The following MAGEC3 variants were observed in gnomAD, a reference collection of about 807,000 sequenced individuals.
MAGEC3 encodes melanoma-associated antigen C3.
MAGEC3 carries 34 observed loss-of-function variants against 35.3 expected under a neutral mutation model. The observed-to-expected ratio is 0.96, with a 90% confidence interval of 0.73 to 1.28. The LOEUF (loss-of-function observed/expected upper bound fraction) is 1.28, where lower values mean the gene tolerates loss of function less well. Among genes scored for constraint, MAGEC3 ranks in the 50% most tolerant of loss-of-function variants. The pLI is 0.00. For missense variants in MAGEC3, 561 were observed against 483.6 expected, an observed-to-expected ratio of 1.16 and a Z score of -1.50; for synonymous variants, 202 against 185.6, an observed-to-expected ratio of 1.09 and a Z score of -0.72.
chrX:141,873,013 C>T (rs1238731692), intron 2 of MAGEC3, among the ~76,000 whole-genome samples: 7 of 111,413 alleles, frequency 6.3e-5, no homozygotes, highest in Admixed American at 1.9e-4. Context: ...GGTTTTGGCA[C>T]CAAATGTAAG....
rs890778537 is a variant in MAGEC3 at position 141,838,574 on chromosome X, G to C, written c.123+136G>C. The C allele has an allele frequency of 2.9e-6, 3 of 1,047,211 alleles. No homozygotes were observed. The African/African-American group carries it at 5.6e-5, about 20-fold the overall frequency. The allele number at this position is 1,047,211 out of a possible 1,213,427, so 86.3% of individuals were successfully genotyped here. A position where few individuals can be genotyped will look rare whatever the true frequency, so the allele number is the denominator to read the frequency against. On this transcript the variant is annotated intron_variant, in intron 1 of 7. Transcript: ENST00000298296. ...GGGTGAGGCTCTAAGATGCTATCTTGCCCAGCCTTGATGTTCATGTCTTTC... is the reference window on the plus strand; with the variant it reads ...GGGTGAGGCTCTAAGATGCTATCTTCCCCAGCCTTGATGTTCATGTCTTTC...
chrX:141,881,849 C>T lies in MAGEC3; in HGVS notation c.909+53C>T, dbSNP rs2017968846. The T allele has an allele frequency of 5.8e-6, 7 of 1,198,569 alleles. 1 individual carries two copies. The East Asian group carries it at 2.1e-4, about 36-fold the overall frequency. On this transcript the variant is annotated intron_variant, in intron 4 of 7. Transcript: ENST00000298296. ...TATCGGGAGCCCAGGGAGCTTGTCA[C>T]TAAAGTTTGAGTGCAGGGACATTAC...
At chrX:141,878,791 C>T (rs1471987601) in intron 2 of MAGEC3, among the ~76,000 whole-genome samples, 2 of 112,039 alleles carry the variant, frequency 1.8e-5, no homozygotes, top group Non-Finnish European at 3.8e-5. Flanking sequence ...TTCACTTCGT[C>T]TTGGGGGGCG....
chrX:141,849,002 A>T (rs1250895258), intron 1 of MAGEC3, among the ~76,000 whole-genome samples: 1 of 111,660 alleles, frequency 9.0e-6, no homozygotes, highest in Non-Finnish European at 1.9e-5. Context: ...CAGAGGCCTC[A>T]CATTACCCAG....
At chrX:141,842,166 CTT>C (rs1168298347) in intron 1 of MAGEC3, among the ~76,000 whole-genome samples, 1 of 111,464 alleles carries the variant, frequency 9.0e-6, no homozygotes, top group Non-Finnish European at 1.9e-5. Context: ...TTAAGATAAA[CTT>C]AAATTATTTG....
chrX:141,851,754 A>G (rs2017752016), intron 1 of MAGEC3, among the ~76,000 whole-genome samples: 1 of 111,053 alleles, frequency 9.0e-6, no homozygotes, highest in South Asian at 3.7e-4. Context: ...ATTGACCACA[A>G]ATGTGTGAAT....
chrX:141,872,395 G>A (rs984191128), intron 2 of MAGEC3, among the ~76,000 whole-genome samples: 5 of 111,110 alleles, frequency 4.5e-5, no homozygotes, highest in South Asian at 3.8e-4. Context: ...AGAGGAGGCC[G>A]AGGGTGTCTG....
chrX:141,889,916 CCTT>C lies in MAGEC3; in HGVS notation c.910-5349_910-5347del, dbSNP rs754803529. ...ACTGTAATTGTCATGAGTATTTTCT[CCTT>C]CTTTTCTTTAGTTAAAAACATGTTT... On this transcript the variant is annotated intron_variant, in intron 4 of 7. Transcript: ENST00000298296. Among the ~76,000 whole-genome samples, 11 of 112,686 alleles carry C rather than the reference CCTT, an allele frequency of 9.8e-5. No homozygotes were observed. The East Asian group carries it at 1.7e-3, about 17-fold the overall frequency.
At chrX:141,853,644 G>A (rs757810833) in intron 1 of MAGEC3, among the ~76,000 whole-genome samples, 39 of 111,178 alleles carry the variant, frequency 3.5e-4, no homozygotes, top group Middle Eastern at 4.7e-3. Flanking sequence ...ATGAAGAATC[G>A]AGAGATTAGG....
At chrX:141,867,102 G>A (rs73238535) in intron 2 of MAGEC3, among the ~76,000 whole-genome samples, 12,100 of 109,600 alleles carry the variant, frequency 0.11, 562 homozygotes, top group Non-Finnish European at 0.12. Context: ...ACACTGAATG[G>A]ACCTCACTGG....
chrX:141,847,492 A>C (rs1170302473), intron 1 of MAGEC3, among the ~76,000 whole-genome samples: 1 of 111,438 alleles, frequency 9.0e-6, no homozygotes, highest in African/African-American at 3.2e-5. Context: ...TTCCAAAAGA[A>C]AGTATGTGTA....
At chrX:141,848,531 G>A (rs2017731538) in intron 1 of MAGEC3, among the ~76,000 whole-genome samples, 1 of 110,857 alleles carries the variant, frequency 9.0e-6, no homozygotes, top group Non-Finnish European at 1.9e-5. Context: ...ATTTAAAATA[G>A]CCAAACGAAA....
rs912776841 is a variant in MAGEC3 at position 141,847,540 on chromosome X, A to G, written c.123+9102A>G. 3.8e-4 allele frequency among the ~76,000 whole-genome samples: 42 copies of G among 111,768 alleles called. No homozygotes were observed. In the Admixed American group the frequency reaches 3.9e-3, roughly 10 times the overall value. Reference sequence around the variant, plus strand: ...ATGTTCTCCAAAACAATGAAGTTCAATTAGAAATCAACAAAGAAATAAATT... The same window carrying G: ...ATGTTCTCCAAAACAATGAAGTTCAGTTAGAAATCAACAAAGAAATAAATT... On this transcript the variant is annotated intron_variant, in intron 1 of 7. Coordinates refer to ENST00000298296, the MANE Select transcript of MAGEC3 (RefSeq NM_138702.1).
At chrX:141,889,222 G>C (rs755431074) in intron 4 of MAGEC3, among the ~76,000 whole-genome samples, 1 of 111,732 alleles carries the variant, frequency 8.9e-6, no homozygotes, top group South Asian at 3.8e-4. Context: ...GCAGGGCTGG[G>C]ACAAAGTTCT....
intron 2 of MAGEC3, among the ~76,000 whole-genome samples, chrX:141,866,612 T>C (rs1200564567): frequency 8.9e-6 from 1 of 112,431 alleles, no homozygotes; most frequent in African/African-American, 3.2e-5. Context: ...CAGAAACTCA[T>C]ATAAATGCAC....
intron 4 of MAGEC3, among the ~76,000 whole-genome samples, chrX:141,882,661 A>G (rs1312435958): frequency 8.9e-6 from 1 of 112,510 alleles, no homozygotes; most frequent in Non-Finnish European, 1.9e-5. Context: ...AATGTTAATA[A>G]ATAAAAGCAT....
chrX:141,849,381 T>G (rs2017736767), intron 1 of MAGEC3, among the ~76,000 whole-genome samples: 1 of 111,158 alleles, frequency 9.0e-6, no homozygotes, highest in African/African-American at 3.3e-5. Context: ...GCAAATAATT[T>G]ATGGCTAAGT....
chrX:141,848,246 A>G (rs979667751), intron 1 of MAGEC3, among the ~76,000 whole-genome samples: 12 of 109,725 alleles, frequency 1.1e-4, no homozygotes, highest in African/African-American at 3.3e-4. Context: ...CACAACTCCT[A>G]TTCAACATAT....
Position 141,881,535 on chromosome X carries a change from C to T in MAGEC3, c.648C>T (p.Asn216=), listed in dbSNP as rs753898048. The T allele has an allele frequency of 5.0e-6, 6 of 1,209,909 alleles. No individual in the cohort carries two copies. In the Admixed American group the frequency reaches 1.1e-4, roughly 22 times the overall value. Residue 216 remains asparagine (N), a synonymous_variant, in exon 4 of 8, where the codon AAC becomes AAT. Coordinates refer to ENST00000298296, the MANE Select transcript of MAGEC3 (RefSeq NM_138702.1). ...TRAEMQMNVI[N]TYTGYFPMIF... is the part of the protein sequence containing the mutation. ...CAGAGATGCAGATGAATGTCATCAA[C>T]ACATACACGGGCTACTTTCCTATGA...
Sources: allele counts gnomAD v4.1 joint callset (sites outside exome capture counted in the v4.1 genomes callset), GRCh38; gene constraint gnomAD v4.1.1; transcripts MANE v1.5; gene names NCBI Gene and HGNC (gene_info 2026-07-23, HGNC 2026-07-21).